HDHD5: variants seen among roughly 807,000 people sequenced by gnomAD.
HDHD5 encodes haloacid dehalogenase-like hydrolase domain-containing 5.
A neutral mutation model predicts 35.5 loss-of-function variants in HDHD5; 34 were observed. The ratio of observed to expected loss-of-function variants is 0.96; its 90% CI spans 0.73 to 1.28. The LOEUF is 1.28. Among genes scored for constraint, HDHD5 ranks in the 50% most tolerant of loss-of-function variants. The pLI is 0.00. For missense variants in HDHD5, 589 were observed against 560.2 expected, an observed-to-expected ratio of 1.05 and a Z score of -0.52; for synonymous variants, 248 against 240.6, an observed-to-expected ratio of 1.03 and a Z score of -0.29.
At position 17,141,596 on chromosome 22, in the gene HDHD5, G is replaced by A. The variant is rs150650652; in HGVS notation, c.572-363C>T. On this transcript the variant is annotated intron_variant, in intron 5 of 7. Coordinates refer to ENST00000336737, the MANE Select transcript of HDHD5 (RefSeq NM_033070.3). ...AGCAAGGGCTCCTGTTCCCTCAGTC[G>A]CTTCTCTCTGAGCCCCAGGGACTGG... 3.5e-4 allele frequency: 370 copies of A among 1,072,070 alleles called. 1 individual carries two copies. The African/African-American group carries it at 5.2e-3, about 15-fold the overall frequency. 66.4% of individuals were successfully genotyped at this position (1,072,070 alleles called of 1,614,324 possible).
At chr22:17,159,313 T>G, upstream of HDHD5, 18 of 1,077,160 alleles carry the variant, frequency 1.7e-5, no homozygotes, top group Non-Finnish European at 2.0e-5. Flanking sequence ...GTCCGTCCGC[T>G]GCACAGCCAA....
At chr22:17,151,399 C>T (rs1481742025) in intron 1 of HDHD5, among the ~76,000 whole-genome samples, 2 of 152,124 alleles carry the variant, frequency 1.3e-5, no homozygotes, top group Admixed American at 6.6e-5. Context: ...ACCTACTCTA[C>T]GCACAGAGCT....
chr22:17,138,675 C>G lies in HDHD5; in HGVS notation c.810G>C (p.Glu270Asp). ...TGCCCATCAGGCCCTCGTATCTCAG[C>G]TCCTTGCCCGTCACTTTCTGGTAAA... is the stretch of plus-strand genomic sequence containing the variant. ...ETIYQKVTGK[E>D]LRYEGLMGKP... The change falls in exon 7 of 8, where the codon GAG (glutamate) becomes GAC (aspartate). Residue 270 changes from glutamate to aspartate, a missense_variant. Coordinates refer to ENST00000336737, the MANE Select transcript of HDHD5 (RefSeq NM_033070.3). 1.2e-6 allele frequency: 2 copies of G among 1,614,246 alleles called. No homozygotes were observed. Among genetic ancestry groups the G allele is most frequent in the Non-Finnish European group, 1.7e-6 (2 of 1,180,044 alleles).
At chr22:17,154,969 GT>G (rs2061770269) in intron 1 of HDHD5, among the ~76,000 whole-genome samples, 1 of 151,954 alleles carries the variant, frequency 6.6e-6, no homozygotes, top group Admixed American at 6.6e-5. Context: ...AAGAATTTAG[GT>G]TTGAAATGAC....
At chr22:17,144,581 T>C (rs2061637589) in intron 4 of HDHD5, among the ~76,000 whole-genome samples, 1 of 152,078 alleles carries the variant, frequency 6.6e-6, no homozygotes, top group Non-Finnish European at 1.5e-5. Context: ...GCCCAGCTAA[T>C]TTTTGTATTT....
intron 1 of HDHD5, among the ~76,000 whole-genome samples, chr22:17,150,540 A>C: frequency 7.4e-6 from 1 of 134,278 alleles, no homozygotes; most frequent in Non-Finnish European, 1.5e-5. Flanking sequence ...TTTTTTTGAG[A>C]CAGAGTCTTG....
chr22:17,162,597 A>T (rs543017040), upstream of HDHD5, among the ~76,000 whole-genome samples: 1 of 152,340 alleles, frequency 6.6e-6, no homozygotes, highest in East Asian at 1.9e-4. Context: ...GGGAAAGATG[A>T]CAGAAGGTGC....
chr22:17,141,125 TA>T lies in HDHD5; in HGVS notation c.679del (p.Tyr227ThrfsTer7). On this transcript the variant is annotated frameshift_variant, in exon 6 of 8. Coordinates refer to ENST00000336737, the MANE Select transcript of HDHD5 (RefSeq NM_033070.3). LOFTEE classifies it high-confidence loss of function. Reference protein sequence around the residue: ...SPGAGLATPPYPHLPVLASNM... With the variant: ...SPGAGLATPPXPHLPVLASNM... ...GCTGGCTAGGACGGGGAGGTGGGGG[TA>T]GGGGGGTGTTGCCAGGCCAGCCCCA... is the stretch of plus-strand genomic sequence containing the variant. The T allele has an allele frequency of 6.3e-7, 1 of 1,594,730 alleles. No homozygotes were observed. Among genetic ancestry groups the T allele is most frequent in the South Asian group, 1.1e-5 (1 of 88,600 alleles).
At chr22:17,141,033 C>T (rs1219975918) in intron 6 of HDHD5, 26 bp downstream of exon 6, 7 of 1,552,024 alleles carry the variant, frequency 4.5e-6, no homozygotes, top group African/African-American at 2.8e-5. Context: ...ACCACCAGGC[C>T]AAGGCTGGGA....
At chr22:17,151,563 C>T (rs2061724940) in intron 1 of HDHD5, among the ~76,000 whole-genome samples, 1 of 151,958 alleles carries the variant, frequency 6.6e-6, no homozygotes, top group African/African-American at 2.4e-5. Flanking sequence ...AACCTCGCCT[C>T]TACTAAAAAT....
chr22:17,142,799 A>C (rs2061613644), intron 5 of HDHD5: 1 of 323,346 alleles, frequency 3.1e-6, no homozygotes. Context: ...TGGTATAAAA[A>C]GGGGAGAACT....
intron 4 of HDHD5, 76 bp downstream of exon 4, chr22:17,144,948 G>C: frequency 6.5e-7 from 1 of 1,548,300 alleles, no homozygotes; most frequent in Non-Finnish European, 8.9e-7. Flanking sequence ...GGGCTTGCAA[G>C]GTCAGCGACA....
chr22:17,161,426 G>T (rs1176163575), upstream of HDHD5, among the ~76,000 whole-genome samples: 1 of 149,756 alleles, frequency 6.7e-6, no homozygotes, highest in Non-Finnish European at 1.5e-5. Context: ...AGGCATGGTG[G>T]TGTGTGCCTG....
chr22:17,160,871 A>G (rs1568956062), upstream of HDHD5, among the ~76,000 whole-genome samples: 1 of 152,116 alleles, frequency 6.6e-6, no homozygotes, highest in Non-Finnish European at 1.5e-5. Context: ...CCTTCCTTCT[A>G]TTAAACTACC....
chr22:17,144,990 A>G, intron 4 of HDHD5, 34 bp downstream of exon 4: 1 of 1,612,304 alleles, frequency 6.2e-7, no homozygotes, highest in Non-Finnish European at 8.5e-7. Context: ...GGAGTGAAGG[A>G]TGAAGACACA....
intron 4 of HDHD5, among the ~76,000 whole-genome samples, chr22:17,144,237 C>T (rs1471891815): frequency 3.3e-5 from 5 of 151,934 alleles, no homozygotes; most frequent in South Asian, 4.2e-4. Flanking sequence ...GGCATAAAGC[C>T]GTTCGCTTCT....
chr22:17,147,415 C>T lies in HDHD5; in HGVS notation c.443+1033G>A, dbSNP rs174784. ...TGCCATCGCACACGCCCCACACCTG[C>T]GACGCCCTCCTGTGAGCTTACCGGC... On this transcript the variant is annotated intron_variant, in intron 3 of 7. Transcript: ENST00000336737. Among the ~76,000 whole-genome samples the T allele has an allele frequency of 3.5e-3, 276 of 78,024 alleles. No homozygotes were observed. The Middle Eastern group carries it at 0.044, about 12-fold the overall frequency. 51.2% of individuals were successfully genotyped at this position (78,024 alleles called of 152,430 possible).
intron 1 of HDHD5, among the ~76,000 whole-genome samples, chr22:17,152,699 C>A (rs2061741071): frequency 1.3e-5 from 2 of 152,138 alleles, no homozygotes; most frequent in South Asian, 4.2e-4. Flanking sequence ...AATAATGGAC[C>A]ACACAAGACC....
upstream of HDHD5, chr22:17,159,288 C>CCG: frequency 1.1e-6 from 1 of 883,758 alleles, no homozygotes; most frequent in Non-Finnish European, 1.4e-6. Flanking sequence ...GGCGTGCGGC[C>CCG]CCCCCCCCCC....
Sources: allele counts gnomAD v4.1 joint callset (sites outside exome capture counted in the v4.1 genomes callset), GRCh38; gene constraint gnomAD v4.1.1; transcripts MANE v1.5; gene names NCBI Gene and HGNC (gene_info 2026-07-23, HGNC 2026-07-21).